The following TRAPPC9 variants were observed in gnomAD, a reference collection of about 807,000 sequenced individuals.
The protein encoded by TRAPPC9 is trafficking protein particle complex subunit 9, also known as IKK2 binding protein.
In TRAPPC9, 83 loss-of-function variants were observed where a neutral mutation model predicts 124.0. That is an observed-to-expected ratio of 0.67 (90% confidence interval 0.56 to 0.80). The LOEUF is 0.80. Ranked by LOEUF, TRAPPC9 falls within the 30% of genes least tolerant of loss-of-function variation. TRAPPC9 has a pLI of 0.00. For synonymous variants in TRAPPC9, 638 were observed against 617.5 expected, an observed-to-expected ratio of 1.03 and a Z score of -0.49; for missense variants, 1,302 against 1,508.3, an observed-to-expected ratio of 0.86 and a Z score of 2.27.
chr8:140,359,076 G>A (rs893257107), intron 9 of TRAPPC9, among the ~76,000 whole-genome samples: 2 of 152,152 alleles, frequency 1.3e-5, no homozygotes, highest in Admixed American at 6.5e-5. Context: ...AGAATGGCCC[G>A]GCCCCCTCAG....
At chr8:139,942,133 A>T (rs972956738) in intron 19 of TRAPPC9, among the ~76,000 whole-genome samples, 3 of 152,324 alleles carry the variant, frequency 2.0e-5, no homozygotes, top group African/African-American at 7.2e-5. Flanking sequence ...GACGGATATG[A>T]GAACACTTTG....
At chr8:140,340,212 A>G (rs1342466673) in intron 9 of TRAPPC9, among the ~76,000 whole-genome samples, 1 of 152,220 alleles carries the variant, frequency 6.6e-6, no homozygotes, top group African/African-American at 2.4e-5. Context: ...GACACAGTCA[A>G]AAATAAAGGC....
At chr8:140,405,008 TAATAAG>T (rs1442662588) in intron 6 of TRAPPC9, among the ~76,000 whole-genome samples, 1 of 151,678 alleles carries the variant, frequency 6.6e-6, no homozygotes, top group Non-Finnish European at 1.5e-5. Context: ...ACCAAGTTGT[TAATAAG>T]AGTAGAGGAG....
At chr8:140,033,673 T>TTTTGTTTTTTTTTTTTTTTTTTTTTTG (rs1554611622) in intron 17 of TRAPPC9, among the ~76,000 whole-genome samples, 2 of 76,754 alleles carry the variant, frequency 2.6e-5, no homozygotes, top group Non-Finnish European at 2.6e-5. Flanking sequence ...TTTTTTTTTT[T>TTTTGTTTTTTTTTTTTTTTTTTTTTTG]TTTTTTTTTT....
chr8:140,208,294 A>T (rs142121261), intron 17 of TRAPPC9, among the ~76,000 whole-genome samples: 172 of 152,346 alleles, frequency 1.1e-3, no homozygotes, highest in Middle Eastern at 0.01. Context: ...ACACACCGGA[A>T]GTGTCCGTAA....
chr8:140,072,603 AG>A (rs1843248199), intron 17 of TRAPPC9, among the ~76,000 whole-genome samples: 1 of 123,810 alleles, frequency 8.1e-6, no homozygotes, highest in Non-Finnish European at 1.7e-5. Flanking sequence ...AAGGAGGAGG[AG>A]GAGGAGGAGG....
chr8:140,328,414 G>T (rs2066798022), intron 9 of TRAPPC9, among the ~76,000 whole-genome samples: 1 of 152,130 alleles, frequency 6.6e-6, no homozygotes, highest in African/African-American at 2.4e-5. Context: ...GTGGTGTAAG[G>T]TCCTGGAGCT....
At chr8:140,343,596 G>A (rs1373199766) in intron 9 of TRAPPC9, among the ~76,000 whole-genome samples, 1 of 152,160 alleles carries the variant, frequency 6.6e-6, no homozygotes, top group East Asian at 1.9e-4. Flanking sequence ...GGGAAAGAAG[G>A]GAGGCTGGTT....
At chr8:140,304,116 CAG>C (rs1441220090) in intron 10 of TRAPPC9, among the ~76,000 whole-genome samples, 1 of 145,670 alleles carries the variant, frequency 6.9e-6, no homozygotes, top group Non-Finnish European at 1.5e-5. Context: ...TTTTTTGAGA[CAG>C]AGTCTCGCTC....
At chr8:139,986,399 T>G (rs1415201658) in intron 19 of TRAPPC9, among the ~76,000 whole-genome samples, 2 of 152,204 alleles carry the variant, frequency 1.3e-5, no homozygotes, top group African/African-American at 4.8e-5. Context: ...GAAAAGAAGA[T>G]GGGATGAGGT....
At chr8:140,250,095 C>T (rs1340026290) in intron 16 of TRAPPC9, among the ~76,000 whole-genome samples, 1 of 152,182 alleles carries the variant, frequency 6.6e-6, no homozygotes, top group Non-Finnish European at 1.5e-5. Flanking sequence ...AAGGATCATG[C>T]ACGGCATTTG....
At chr8:139,920,557 C>T (rs1587218519) in intron 19 of TRAPPC9, among the ~76,000 whole-genome samples, 1 of 152,178 alleles carries the variant, frequency 6.6e-6, no homozygotes. Flanking sequence ...CTACGTGGGC[C>T]CAGGGCAGGG....
At chr8:139,956,858 C>A (rs1334016390) in intron 19 of TRAPPC9, among the ~76,000 whole-genome samples, 1 of 152,210 alleles carries the variant, frequency 6.6e-6, no homozygotes, top group African/African-American at 2.4e-5. Context: ...GGGGTGAATT[C>A]TGTGGTAAAA....
intron 17 of TRAPPC9, among the ~76,000 whole-genome samples, chr8:140,051,546 T>C (rs560120641): frequency 1.3e-5 from 2 of 148,168 alleles, no homozygotes; most frequent in East Asian, 4.0e-4. Context: ...TCCCACCCCA[T>C]GGCACCCACA....
intron 17 of TRAPPC9, among the ~76,000 whole-genome samples, chr8:140,038,186 C>T (rs1365202666): frequency 6.6e-6 from 1 of 152,050 alleles, no homozygotes; most frequent in Admixed American, 6.6e-5. Context: ...AAGGATGGCA[C>T]AGGACTGCTG....
chr8:140,004,844 T>C (rs1055249351), intron 18 of TRAPPC9, among the ~76,000 whole-genome samples: 1 of 152,206 alleles, frequency 6.6e-6, no homozygotes. Context: ...TGTTTGCTCA[T>C]TCCCAGGAGT....
chr8:140,238,746 C>T (rs989681469), intron 16 of TRAPPC9, among the ~76,000 whole-genome samples: 52 of 152,344 alleles, frequency 3.4e-4, no homozygotes, highest in African/African-American at 1.2e-3. Context: ...CAACAATGCG[C>T]CCCTCTTGTG....
At chr8:139,974,472 C>T (rs1836307960) in intron 19 of TRAPPC9, among the ~76,000 whole-genome samples, 1 of 152,178 alleles carries the variant, frequency 6.6e-6, no homozygotes, top group Non-Finnish European at 1.5e-5. Context: ...ACCCACATGA[C>T]CTCACTACAA....
chr8:140,195,346 C>T (rs182985282), intron 17 of TRAPPC9, among the ~76,000 whole-genome samples: 7 of 152,186 alleles, frequency 4.6e-5, no homozygotes, highest in Non-Finnish European at 8.8e-5. Context: ...CTAAAACACA[C>T]TCAATGATCC....
Sources: allele counts gnomAD v4.1 joint callset (sites outside exome capture counted in the v4.1 genomes callset), GRCh38; gene constraint gnomAD v4.1.1; transcripts MANE v1.5; gene names NCBI Gene and HGNC (gene_info 2026-07-23, HGNC 2026-07-21).